Variants in PEPD observed in about 807,000 individuals in gnomAD.
PEPD encodes the protein peptidase D, also known as xaa-Pro dipeptidase.
Under a neutral mutation model 60.7 loss-of-function variants are expected in PEPD, and 53 were observed. The observed-to-expected ratio is 0.87, with a 90% CI of 0.70 to 1.10. The LOEUF is 1.10. Among genes scored for constraint, PEPD ranks in the 50% least tolerant of loss-of-function variants. PEPD has a pLI of 0.00. For missense variants in PEPD, 711 were observed against 711.9 expected, an observed-to-expected ratio of 1.00 and a Z score of 0.01; for synonymous variants, 267 against 284.1, an observed-to-expected ratio of 0.94 and a Z score of 0.60.
At chr19:33,389,376 C>T (rs541384177) in intron 13 of PEPD, among the ~76,000 whole-genome samples, 71 of 152,318 alleles carry the variant, frequency 4.7e-4, no homozygotes, top group Non-Finnish European at 8.8e-4. Flanking sequence ...AGTCCCTCTG[C>T]GCAGGTGAGA....
intron 9 of PEPD, among the ~76,000 whole-genome samples, chr19:33,444,766 G>A (rs1299103987): frequency 6.6e-6 from 1 of 151,866 alleles, no homozygotes; most frequent in Non-Finnish European, 1.5e-5. Flanking sequence ...ATGGAGACCT[G>A]GCTGTGTGGC....
At chr19:33,417,237 C>G (rs543117327) in intron 9 of PEPD, among the ~76,000 whole-genome samples, 1 of 152,176 alleles carries the variant, frequency 6.6e-6, no homozygotes, top group Non-Finnish European at 1.5e-5. Flanking sequence ...TCCCTTTCCC[C>G]GGCTGGGCCT....
chr19:33,454,210 A>G (rs1786163461), intron 9 of PEPD, among the ~76,000 whole-genome samples: 1 of 152,244 alleles, frequency 6.6e-6, no homozygotes, highest in South Asian at 2.1e-4. Flanking sequence ...CAGGAGTCAA[A>G]CGAAAGAGCC....
At chr19:33,398,223 T>C (rs1412709613) in intron 12 of PEPD, among the ~76,000 whole-genome samples, 1 of 152,232 alleles carries the variant, frequency 6.6e-6, no homozygotes, top group Non-Finnish European at 1.5e-5. Flanking sequence ...CTCAGCCTGA[T>C]GCTTGGGTGT....
intron 9 of PEPD, among the ~76,000 whole-genome samples, chr19:33,455,330 T>A (rs186996992): frequency 6.6e-6 from 1 of 152,112 alleles, no homozygotes. Flanking sequence ...AAAAGTTTAC[T>A]GATTAAACAC....
intron 14 of PEPD, 82 bp from the exon 15 acceptor site, chr19:33,387,563 C>G: frequency 6.4e-7 from 1 of 1,564,230 alleles, no homozygotes. Flanking sequence ...CCAGGCCCAC[C>G]CCACCATGGG....
In PEPD at chr19:33,429,269, A is replaced by C. The variant is rs1969221133; in HGVS notation, c.672-15626T>G. On this transcript the variant is annotated intron_variant, in intron 9 of 14. Coordinates refer to ENST00000244137, the MANE Select transcript of PEPD (RefSeq NM_000285.4). ...GCCTTTACCGTGCTAAGCCACCGAG[A>C]TCTGGGTTTCTGTTGTTACCACCCC... Among the ~76,000 whole-genome samples the C allele has an allele frequency of 5.3e-5, 8 of 152,320 alleles. No homozygotes were observed. In the South Asian group the frequency reaches 1.7e-3, roughly 32 times the overall value.
At chr19:33,461,791 G>A (rs1231693562) in intron 9 of PEPD, among the ~76,000 whole-genome samples, 1 of 152,184 alleles carries the variant, frequency 6.6e-6, no homozygotes, top group East Asian at 1.9e-4. Flanking sequence ...AGGAGACCAC[G>A]CAGACGCAAG....
At position 33,387,230 on chromosome 19, in the gene PEPD, G is replaced by C. The variant is rs772651583; in HGVS notation, c.*114C>G. 9.5e-6 allele frequency: 12 copies of C among 1,268,390 alleles called. No individual in the cohort carries two copies. The highest frequency in any genetic ancestry group is 1.2e-5 in the Non-Finnish European group (11 of 886,224). The allele number at this position is 1,268,390 out of a possible 1,614,324, so 78.6% of individuals were successfully genotyped here. A position where few individuals can be genotyped will look rare whatever the true frequency, so the allele number is the denominator to read the frequency against. ...TTGGTCTGATCAAATGCCGAAGCTG[G>C]GATCTGATTCTGGGTGCCGTCTCTC... On this transcript the variant is annotated 3_prime_UTR_variant, in exon 15 of 15. Transcript: ENST00000244137.
chr19:33,446,958 C>T (rs540298470), intron 9 of PEPD, among the ~76,000 whole-genome samples: 34 of 152,364 alleles, frequency 2.2e-4, no homozygotes, highest in African/African-American at 7.9e-4. Flanking sequence ...CAGGCTCCGA[C>T]TCAACCAGCC....
chr19:33,393,166 G>A (rs1209099226), intron 12 of PEPD, among the ~76,000 whole-genome samples: 1 of 151,658 alleles, frequency 6.6e-6, no homozygotes, highest in Non-Finnish European at 1.5e-5. Context: ...GCCGTCCCGG[G>A]GTCTGGGGTC....
intron 9 of PEPD, among the ~76,000 whole-genome samples, chr19:33,462,431 G>C (rs1969942183): frequency 6.6e-6 from 1 of 152,200 alleles, no homozygotes; most frequent in Non-Finnish European, 1.5e-5. Context: ...TACCATGGGT[G>C]GCAGCACACT....
At chr19:33,415,795 C>T (rs1245503548) in intron 9 of PEPD, among the ~76,000 whole-genome samples, 1 of 152,196 alleles carries the variant, frequency 6.6e-6, no homozygotes, top group African/African-American at 2.4e-5. Flanking sequence ...CACACTGTTC[C>T]ATAGGAAGGA....
intron 9 of PEPD, among the ~76,000 whole-genome samples, chr19:33,427,530 C>CA (rs1969176849): frequency 1.3e-5 from 2 of 152,184 alleles, no homozygotes; most frequent in South Asian, 4.1e-4. Context: ...GGGCAAGTTC[C>CA]AAAAAATCCT....
chr19:33,508,065 C>T (rs1476665391), intron 3 of PEPD, among the ~76,000 whole-genome samples: 1 of 151,700 alleles, frequency 6.6e-6, no homozygotes, highest in Non-Finnish European at 1.5e-5. Context: ...CAGGTGGGGC[C>T]CTGTTTAGCC....
At chr19:33,451,590 T>G (rs1433736164) in intron 9 of PEPD, among the ~76,000 whole-genome samples, 2 of 152,198 alleles carry the variant, frequency 1.3e-5, no homozygotes, top group Non-Finnish European at 2.9e-5. Flanking sequence ...AGATGCTGAT[T>G]ATCACTGTGA....
At chr19:33,414,094 C>T (rs992082978) in intron 9 of PEPD, among the ~76,000 whole-genome samples, 26 of 152,184 alleles carry the variant, frequency 1.7e-4, no homozygotes, top group African/African-American at 5.3e-4. Flanking sequence ...GCTGGATCTA[C>T]GGCCTGCGCT....
chr19:33,450,061 C>T (rs892905520), intron 9 of PEPD, among the ~76,000 whole-genome samples: 7 of 152,194 alleles, frequency 4.6e-5, no homozygotes, highest in African/African-American at 9.7e-5. Context: ...CCTCTGTCTC[C>T]GCAGATCTGT....
chr19:33,422,575 CCTAT>C (rs1969043077), intron 9 of PEPD, among the ~76,000 whole-genome samples: 2 of 150,306 alleles, frequency 1.3e-5, no homozygotes, highest in Admixed American at 6.6e-5. Context: ...TCTATATCTA[CCTAT>C]CTACCTAAGT....
Sources: allele counts gnomAD v4.1 joint callset (sites outside exome capture counted in the v4.1 genomes callset), GRCh38; gene constraint gnomAD v4.1.1; transcripts MANE v1.5; gene names NCBI Gene and HGNC (gene_info 2026-07-23, HGNC 2026-07-21).